Variants in COL19A1 observed in about 807,000 individuals in gnomAD.
COL19A1 encodes the protein collagen type XIX alpha 1 chain, also known as collagen alpha-1(XIX) chain.
A neutral mutation model predicts 190.2 loss-of-function variants in COL19A1; 159 were observed. That is an observed-to-expected ratio of 0.84 (90% CI 0.73 to 0.95). The LOEUF (loss-of-function observed/expected upper bound fraction) is 0.95. Ranked by LOEUF, COL19A1 falls within the 40% of genes least tolerant of loss-of-function variation. The probability of loss-of-function intolerance (pLI) is 0.00; values close to 1 mark genes in which losing one functional copy is unlikely to be tolerated. For synonymous variants in COL19A1, 509 were observed against 458.9 expected (o/e 1.11, Z -1.39); for missense variants, 1,418 against 1,431.9 (o/e 0.99, Z 0.16).
At chr6:70,130,370 C>A (rs867866706) in intron 18 of COL19A1, 147 bp downstream of exon 18, 1 of 599,084 alleles carries the variant, frequency 1.7e-6, no homozygotes, top group East Asian at 3.2e-5. Context: ...GGATTACAGG[C>A]ATGTGCCACC....
rs9364072 is a variant in COL19A1, at chr6:70,018,626, A to G, written c.1027-5001A>G. Among the ~76,000 whole-genome samples, 928 of 152,178 alleles carry G rather than the reference A, an allele frequency of 6.1e-3. 24 individuals carry two copies. The East Asian group carries it at 0.086, about 14-fold the overall frequency. The stretch of plus-strand genomic sequence containing the variant: ...CCCTGAAACAAGGTCCGAGACAATG[A>G]CTTTAGGTCAGGTAGTTGATTTGAG... On this transcript the variant is annotated intron_variant, in intron 11 of 50. Transcript: ENST00000620364.
intron 11 of COL19A1, among the ~76,000 whole-genome samples, chr6:70,007,644 T>A (rs1256668085): frequency 6.6e-6 from 1 of 151,754 alleles, no homozygotes; most frequent in East Asian, 1.9e-4. Flanking sequence ...AAGAAGCAAT[T>A]AACACAATTA....
chr6:70,135,911 G>C (rs565079348), intron 18 of COL19A1, among the ~76,000 whole-genome samples: 4 of 152,174 alleles, frequency 2.6e-5, no homozygotes, highest in South Asian at 2.1e-4. Flanking sequence ...TTCCACCCAG[G>C]GGGTGGAATT....
intron 4 of COL19A1, among the ~76,000 whole-genome samples, chr6:69,922,918 T>A (rs1772088384): frequency 1.3e-5 from 2 of 152,208 alleles, no homozygotes; most frequent in African/African-American, 4.8e-5. Flanking sequence ...TTGTGAGTGA[T>A]ACAAAGTATG....
intron 16 of COL19A1, among the ~76,000 whole-genome samples, chr6:70,104,435 C>CAATCTAATCTT (rs1407831560): frequency 3.9e-5 from 6 of 152,056 alleles, no homozygotes; most frequent in Non-Finnish European, 8.8e-5. Flanking sequence ...AACCTAATCT[C>CAATCTAATCTT]GTGAGAACTC....
chr6:70,125,607 A>G (rs981441868), intron 17 of COL19A1, among the ~76,000 whole-genome samples: 1 of 151,672 alleles, frequency 6.6e-6, no homozygotes, highest in African/African-American at 2.4e-5. Flanking sequence ...AATGAGGAAG[A>G]AAAAAAAAGC....
intron 4 of COL19A1, among the ~76,000 whole-genome samples, chr6:69,927,248 T>G (rs922357126): frequency 6.6e-6 from 1 of 152,168 alleles, no homozygotes; most frequent in African/African-American, 2.4e-5. Flanking sequence ...TTCTTTTATT[T>G]TCTTATCAGA....
chr6:70,193,824 T>A (rs960593963), intron 48 of COL19A1, among the ~76,000 whole-genome samples: 3 of 152,210 alleles, frequency 2.0e-5, no homozygotes, highest in Admixed American at 1.3e-4. Context: ...TCCATTTAAT[T>A]TTCCACTTAG....
intron 28 of COL19A1, 55 bp downstream of exon 28, chr6:70,149,794 G>A (rs970688325): frequency 2.8e-5 from 45 of 1,613,228 alleles, no homozygotes; most frequent in South Asian, 2.2e-4. Flanking sequence ...TTACTTGGGG[G>A]AAATGACTGA....
At chr6:70,150,577 C>T (rs950934286) in intron 30 of COL19A1, among the ~76,000 whole-genome samples, 1 of 151,950 alleles carries the variant, frequency 6.6e-6, no homozygotes, top group Non-Finnish European at 1.5e-5. Context: ...ACAGTGAAAC[C>T]CCTTTAAATA....
At chr6:70,052,282 C>G (rs1430317091) in intron 14 of COL19A1, among the ~76,000 whole-genome samples, 2 of 152,086 alleles carry the variant, frequency 1.3e-5, no homozygotes, top group African/African-American at 2.4e-5. Flanking sequence ...TCTAGATTCC[C>G]TTTTGGCTAG....
intron 9 of COL19A1, among the ~76,000 whole-genome samples, chr6:69,940,007 A>G (rs1179793920): frequency 2.0e-5 from 3 of 151,926 alleles, no homozygotes; most frequent in Admixed American, 6.6e-5. Flanking sequence ...CAGTTCCTTC[A>G]TATTTAAGAT....
intron 11 of COL19A1, among the ~76,000 whole-genome samples, chr6:70,021,667 G>A (rs1778423077): frequency 6.6e-6 from 1 of 152,142 alleles, no homozygotes; most frequent in Non-Finnish European, 1.5e-5. Flanking sequence ...CAACAGCAAT[G>A]TCCAATGGAT....
intron 14 of COL19A1, among the ~76,000 whole-genome samples, chr6:70,037,473 A>G (rs7763419): frequency 0.15 from 22,425 of 148,378 alleles, 2,144 homozygotes; most frequent in East Asian, 0.32. Flanking sequence ...TTGTAGAATT[A>G]AAAAAAAAAA....
At chr6:70,129,146 C>T (rs1337423559) in intron 17 of COL19A1, among the ~76,000 whole-genome samples, 1 of 152,174 alleles carries the variant, frequency 6.6e-6, no homozygotes, top group Non-Finnish European at 1.5e-5. Context: ...CTGAGGGAAA[C>T]ATTAAGGCTG....
intron 7 of COL19A1, among the ~76,000 whole-genome samples, 158 bp downstream of exon 7, chr6:69,933,021 A>G (rs1420590071): frequency 6.6e-6 from 1 of 152,072 alleles, no homozygotes; most frequent in African/African-American, 2.4e-5. Context: ...GTGCTTTCTC[A>G]TGGTTACTTT....
intron 15 of COL19A1, among the ~76,000 whole-genome samples, chr6:70,084,833 T>C (rs963237568): frequency 6.6e-6 from 1 of 152,196 alleles, no homozygotes; most frequent in African/African-American, 2.4e-5. Context: ...GAAATTTTTA[T>C]TAATAAAATG....
At chr6:70,187,380 G>A (rs776192783) in intron 46 of COL19A1, among the ~76,000 whole-genome samples, 2 of 152,026 alleles carry the variant, frequency 1.3e-5, no homozygotes, top group Non-Finnish European at 2.9e-5. Context: ...AAACAAACCT[G>A]AAGAGTCTAA....
intron 15 of COL19A1, among the ~76,000 whole-genome samples, chr6:70,087,539 C>CA (rs1418854319): frequency 6.6e-6 from 1 of 152,138 alleles, no homozygotes; most frequent in African/African-American, 2.4e-5. Context: ...AGGCAGAGCA[C>CA]AGCCTTGCAG....
Sources: allele counts gnomAD v4.1 joint callset (sites outside exome capture counted in the v4.1 genomes callset), GRCh38; gene constraint gnomAD v4.1.1; transcripts MANE v1.5; gene names NCBI Gene and HGNC (gene_info 2026-07-23, HGNC 2026-07-21).